Variants in EYA2 observed in about 807,000 individuals in gnomAD.
EYA2 encodes the protein EYA transcriptional coactivator and phosphatase 2.
Under a neutral mutation model 69.2 loss-of-function variants are expected in EYA2, and 31 were observed. The ratio of observed to expected loss-of-function variants is 0.45; its 90% CI spans 0.34 to 0.60. The LOEUF (loss-of-function observed/expected upper bound fraction) is 0.60, where lower values mean the gene tolerates loss of function less well. Among genes scored for constraint, EYA2 ranks in the 20% least tolerant of loss-of-function variants. EYA2 has a pLI of 0.02. For missense variants in EYA2, 622 were observed against 701.2 expected (o/e 0.89, Z 1.28); for synonymous variants, 257 against 279.4 (o/e 0.92, Z 0.80).
chr20:47,047,254 C>T (rs955355341), intron 5 of EYA2, among the ~76,000 whole-genome samples: 6 of 152,058 alleles, frequency 3.9e-5, no homozygotes, highest in Admixed American at 1.3e-4. Flanking sequence ...TGAATGAGTG[C>T]GTGGATGATC....
chr20:47,090,837 G>C (rs990336925), intron 8 of EYA2, among the ~76,000 whole-genome samples: 1 of 152,156 alleles, frequency 6.6e-6, no homozygotes, highest in East Asian at 1.9e-4. Context: ...AAAACATTAT[G>C]CCTAGGGGAG....
At chr20:46,973,340 G>A (rs1980253034) in intron 1 of EYA2, among the ~76,000 whole-genome samples, 1 of 152,126 alleles carries the variant, frequency 6.6e-6, no homozygotes, top group African/African-American at 2.4e-5. Flanking sequence ...AAAAAGGAGG[G>A]GGAGGCTATT....
chr20:47,147,621 C>T (rs2146607068), intron 10 of EYA2, among the ~76,000 whole-genome samples: 1 of 152,258 alleles, frequency 6.6e-6, no homozygotes, highest in Admixed American at 6.5e-5. Flanking sequence ...GGGTTTGGAA[C>T]AACATGATGT....
At chr20:47,047,055 G>A (rs1164365772) in intron 5 of EYA2, among the ~76,000 whole-genome samples, 3 of 152,126 alleles carry the variant, frequency 2.0e-5, no homozygotes, top group Admixed American at 6.5e-5. Context: ...AAAATGTATC[G>A]TGTACATTTC....
At chr20:47,169,781 A>G (rs958787072) in intron 11 of EYA2, among the ~76,000 whole-genome samples, 11 of 152,138 alleles carry the variant, frequency 7.2e-5, no homozygotes, top group African/African-American at 2.7e-4. Context: ...AGATGTTATA[A>G]CCAATTTTTT....
chr20:47,145,279 A>G (rs897318024), intron 10 of EYA2, among the ~76,000 whole-genome samples: 1 of 152,208 alleles, frequency 6.6e-6, no homozygotes, highest in Non-Finnish European at 1.5e-5. Context: ...AGGCAGTAGC[A>G]CTTGAACCAA....
chr20:47,045,111 C>T (rs1175240557), intron 5 of EYA2, among the ~76,000 whole-genome samples: 5 of 152,172 alleles, frequency 3.3e-5, no homozygotes, highest in African/African-American at 7.2e-5. Flanking sequence ...GATCATTTCT[C>T]GTAATGTCTT....
intron 5 of EYA2, among the ~76,000 whole-genome samples, chr20:47,038,490 C>G (rs1984841876): frequency 6.6e-6 from 1 of 152,062 alleles, no homozygotes; most frequent in South Asian, 2.1e-4. Context: ...GACCTTGTCT[C>G]AAATAAATAA....
Position 47,045,509 on chromosome 20 carries a change from A to G in EYA2, c.416-26676A>G, listed in dbSNP as rs567456539. 7.2e-5 allele frequency among the ~76,000 whole-genome samples: 11 copies of G among 152,336 alleles called. No individual in the cohort carries two copies. The South Asian group carries it at 2.1e-3, about 29-fold the overall frequency. On this transcript the variant is annotated intron_variant, in intron 5 of 15. Coordinates refer to ENST00000327619, the MANE Select transcript of EYA2 (RefSeq NM_005244.5). ...CATACAGGGATCAGAAGAGTTCTTG[A>G]CAGCCATATTTGAAGGTCAGCCTAC... is the stretch of plus-strand genomic sequence containing the variant.
intron 9 of EYA2, among the ~76,000 whole-genome samples, chr20:47,111,570 G>A (rs1050246963): frequency 5.4e-4 from 82 of 152,304 alleles, no homozygotes; most frequent in African/African-American, 1.9e-3. Flanking sequence ...CTTTCAAGGA[G>A]AGAGACCCGT....
chr20:47,174,899 T>C lies in EYA2; in HGVS notation c.1198+2032T>C, dbSNP rs574509230. Reference sequence around the variant, plus strand: ...CTTGGTGGCCTCTCAGATGTGAGTGTGTTGATTGCAGGAGTGAAGCAGCAA... The same window carrying C: ...CTTGGTGGCCTCTCAGATGTGAGTGCGTTGATTGCAGGAGTGAAGCAGCAA... On this transcript the variant is annotated intron_variant, in intron 12 of 15. Transcript: ENST00000327619. 3.9e-5 allele frequency among the ~76,000 whole-genome samples: 6 copies of C among 152,296 alleles called. No homozygotes were observed. The East Asian group carries it at 9.6e-4, about 24-fold the overall frequency.
At chr20:47,000,168 T>G (rs948339769) in intron 2 of EYA2, among the ~76,000 whole-genome samples, 2 of 152,232 alleles carry the variant, frequency 1.3e-5, no homozygotes, top group Non-Finnish European at 2.9e-5. Flanking sequence ...AGGGTACTTA[T>G]GAGGATTAAA....
intron 1 of EYA2, among the ~76,000 whole-genome samples, chr20:46,899,330 T>C (rs973113630): frequency 2.0e-5 from 3 of 152,236 alleles, no homozygotes; most frequent in Non-Finnish European, 4.4e-5. Context: ...TTTTTGCCAC[T>C]GTCGTTTGAA....
chr20:47,150,752 C>T (rs77403747), intron 10 of EYA2, among the ~76,000 whole-genome samples: 2,104 of 152,088 alleles, frequency 0.014, 28 homozygotes, highest in Middle Eastern at 0.031. Flanking sequence ...CAGGCATGAG[C>T]CACCTATTCC....
At chr20:46,987,128 T>A (rs1981281802) in intron 1 of EYA2, among the ~76,000 whole-genome samples, 1 of 152,178 alleles carries the variant, frequency 6.6e-6, no homozygotes, top group Admixed American at 6.5e-5. Flanking sequence ...TGCTGCCAGA[T>A]ACTAAATACC....
chr20:46,948,112 AAAAAAAAAAAAG>A (rs919817704), intron 1 of EYA2, among the ~76,000 whole-genome samples: 15 of 150,944 alleles, frequency 9.9e-5, no homozygotes, highest in African/African-American at 3.6e-4. Context: ...CTTGTCTCAA[AAAAAAAAAAAAG>A]AAAAAGAAAA....
chr20:46,996,688 G>A (rs568896857), intron 2 of EYA2, among the ~76,000 whole-genome samples: 5 of 152,206 alleles, frequency 3.3e-5, no homozygotes, highest in South Asian at 4.1e-4. Context: ...GTCCGTTCTC[G>A]CACTGCCATA....
intron 14 of EYA2, among the ~76,000 whole-genome samples, chr20:47,181,443 T>C (rs577152891): frequency 3.3e-5 from 5 of 152,340 alleles, no homozygotes; most frequent in African/African-American, 7.2e-5. Context: ...GCTATGTACA[T>C]TACATTCTAC....
At chr20:47,077,031 GC>G (rs1290871660) in intron 7 of EYA2, among the ~76,000 whole-genome samples, 1 of 152,220 alleles carries the variant, frequency 6.6e-6, no homozygotes, top group African/African-American at 2.4e-5. Context: ...TTGGGCTCAT[GC>G]CTACGGCTGG....
Sources: gnomAD v4.1 joint callset for allele counts (sites outside exome capture counted in the v4.1 genomes callset) on GRCh38, gnomAD v4.1.1 for gene constraint, MANE v1.5 for transcripts, NCBI Gene and HGNC (gene_info 2026-07-23, HGNC 2026-07-21) for gene names.